Variants in OR2Z1 observed in about 807,000 individuals in gnomAD.
The protein encoded by OR2Z1 is olfactory receptor 2Z1.
For missense variants in OR2Z1, 449 were observed against 401.8 expected (o/e 1.12, Z -1.00); for synonymous variants, 188 against 160.6 (o/e 1.17, Z -1.29).
intron 2 of OR2Z1, among the ~76,000 whole-genome samples, chr19:8,726,093 G>A (rs1423890669): frequency 6.6e-6 from 1 of 152,156 alleles, no homozygotes; most frequent in East Asian, 1.9e-4. Context: ...AGCCTCCCGA[G>A]TAGCTGGGAT....
Position 8,731,147 on chromosome 19 carries a change from T to C in OR2Z1, c.119T>C (p.Leu40Pro). ...LVAVMFVIGL[L>P]GNTVLLFLIR... Reference sequence around the variant, plus strand: ...GCTGTCATGTTTGTCATAGGCCTTCTGGGCAACACCGTTCTTCTCTTCTTG... The same window carrying C: ...GCTGTCATGTTTGTCATAGGCCTTCCGGGCAACACCGTTCTTCTCTTCTTG... The change falls in exon 3 of 3, where the codon CTG becomes CCG. Residue 40 changes from leucine to proline, a missense_variant. By Grantham distance (98) the Leu-to-Pro change is moderately conservative. Transcript: ENST00000641125. 1 of 1,614,154 alleles carries C rather than the reference T, an allele frequency of 6.2e-7. No homozygotes were observed.
rs1555756751 is a variant in OR2Z1, at chr19:8,731,425, C to G, written c.397C>G (p.Pro133Ala). ...TGCTGTGTGCCAGCCCCTGCAGTAT[C>G]CTGTACTTATGAGACGCCAGGTATG... The part of the protein sequence containing the change: ...YVAVCQPLQY[P>A]VLMRRQVCLL... Residue 133 changes from proline to alanine, a missense_variant, in exon 3 of 3, where the codon CCT (proline) becomes GCT (alanine). Pro to Ala is a conservative substitution (Grantham distance 27). Transcript: ENST00000641125. The G allele has an allele frequency of 6.8e-6, 11 of 1,613,918 alleles. No individual in the cohort carries two copies. The highest frequency in any genetic ancestry group is 9.3e-6 in the Non-Finnish European group (11 of 1,180,030).
Position 8,731,858 on chromosome 19 carries a change from T to G in OR2Z1, c.830T>G (p.Phe277Cys), listed in dbSNP as rs371805698. ...SPQQDNVVSL[F>C]YSLVTPTLNP... ...CAGCAGGATAACGTGGTTTCCCTCT[T>G]CTATAGCCTTGTCACCCCTACACTC... The change falls in exon 3 of 3, where the codon TTC (phenylalanine) becomes TGC (cysteine). Residue 277 changes from phenylalanine to cysteine, a missense_variant. Phe to Cys is a radical substitution (Grantham distance 205, BLOSUM62 -2). Transcript: ENST00000641125. 4.3e-5 allele frequency: 70 copies of G among 1,614,026 alleles called. No individual in the cohort carries two copies. Among genetic ancestry groups the G allele is most frequent in the Non-Finnish European group, 5.7e-5 (67 of 1,180,044 alleles).
intron 2 of OR2Z1, among the ~76,000 whole-genome samples, chr19:8,724,621 C>T (rs1555755987): frequency 6.6e-6 from 1 of 152,190 alleles, no homozygotes; most frequent in Non-Finnish European, 1.5e-5. Flanking sequence ...ATCCTCACTT[C>T]TCTTCCCAAA....
chr19:8,723,343 AT>A (rs1378466420), intron 2 of OR2Z1, among the ~76,000 whole-genome samples, 193 bp downstream of exon 2: 2 of 151,668 alleles, frequency 1.3e-5, no homozygotes, highest in African/African-American at 4.8e-5. Flanking sequence ...CAAAACTTCC[AT>A]GCCTCCTTCT....
Position 8,731,600 on chromosome 19 carries a change from A to G in OR2Z1, c.572A>G (p.Asp191Gly). The change falls in exon 3 of 3, where the codon GAT (aspartate) becomes GGT (glycine). Residue 191 changes from aspartate (D) to glycine (G), a missense_variant. Asp to Gly is a moderately conservative substitution (Grantham distance 94). Coordinates refer to ENST00000641125, the MANE Select transcript of OR2Z1 (RefSeq NM_001004699.3). ...VPALLKLSCADTCAYEMALST... is the reference protein window; with the variant it reads ...VPALLKLSCAGTCAYEMALST... ...GCCCTACTGAAGCTCTCCTGTGCAG[A>G]TACCTGTGCCTACGAGATGGCGCTG... is the stretch of plus-strand genomic sequence containing the variant. 1 of 1,613,110 alleles carries G rather than the reference A, an allele frequency of 6.2e-7. No individual in the cohort carries two copies. The highest frequency in any genetic ancestry group is 8.5e-7 in the Non-Finnish European group (1 of 1,179,982).
chr19:8,723,981 TGTG>T (rs2043317022), intron 2 of OR2Z1, among the ~76,000 whole-genome samples: 4 of 139,874 alleles, frequency 2.9e-5, no homozygotes, highest in Non-Finnish European at 6.0e-5. Context: ...TGTGTGTGTG[TGTG>T]TGTGTGTGTG....
At chr19:8,729,800 G>A (rs1341773322) in intron 2 of OR2Z1, among the ~76,000 whole-genome samples, 17 of 152,108 alleles carry the variant, frequency 1.1e-4, no homozygotes, top group Admixed American at 1.1e-3. Flanking sequence ...ATGTTGGTCA[G>A]GCTGGTCTCG....
chr19:8,731,343 A>G lies in OR2Z1; in HGVS notation c.315A>G (p.Thr105=), dbSNP rs1393577672. ...GGGAAQIFFL[T]LMGVAEGVLL... Reference sequence around the variant, plus strand: ...GTGCAGCTCAAATATTCTTCCTCACACTGATGGGTGTGGCTGAGGGCGTCC... The same window carrying G: ...GTGCAGCTCAAATATTCTTCCTCACGCTGATGGGTGTGGCTGAGGGCGTCC... Residue 105 remains threonine, a synonymous_variant, in exon 3 of 3, where the codon ACA becomes ACG. Coordinates refer to ENST00000641125, the MANE Select transcript of OR2Z1 (RefSeq NM_001004699.3). 6 of 1,613,656 alleles carry G rather than the reference A, an allele frequency of 3.7e-6. No individual in the cohort carries two copies. The highest frequency in any genetic ancestry group is 1.3e-5 in the African/African-American group (1 of 74,794).
chr19:8,722,480 C>G (rs988048033), intron 1 of OR2Z1, among the ~76,000 whole-genome samples: 3 of 152,102 alleles, frequency 2.0e-5, no homozygotes, highest in African/African-American at 7.2e-5. Context: ...TCTAGACCCA[C>G]ATTTTGGCAT....
intron 2 of OR2Z1, among the ~76,000 whole-genome samples, chr19:8,723,847 A>G (rs2043316277): frequency 6.6e-6 from 1 of 152,050 alleles, no homozygotes; most frequent in African/African-American, 2.4e-5. Flanking sequence ...CAGTCCTAGA[A>G]CAGTTCTAGG....
At position 8,732,071 on chromosome 19, in the gene OR2Z1, C is replaced by T. The variant is rs544476251; in HGVS notation, c.*98C>T. ...TTCAATTGCCAATTTGTGCAACTGG[C>T]CAAATATCCAGCCATTGCCCAAGGT... is the stretch of plus-strand genomic sequence containing the variant. On this transcript the variant is annotated 3_prime_UTR_variant, in exon 3 of 3. Coordinates refer to ENST00000641125, the MANE Select transcript of OR2Z1 (RefSeq NM_001004699.3). 7 of 925,980 alleles carry T rather than the reference C, an allele frequency of 7.6e-6. No homozygotes were observed. Among genetic ancestry groups the T allele is most frequent in the South Asian group, 4.9e-5 (3 of 60,676 alleles). 57.4% of individuals were successfully genotyped at this position (925,980 alleles called of 1,614,324 possible).
chr19:8,727,308 G>A (rs1325124707), intron 2 of OR2Z1, among the ~76,000 whole-genome samples: 3 of 152,122 alleles, frequency 2.0e-5, no homozygotes, highest in African/African-American at 7.2e-5. Context: ...TTGTCTGAGA[G>A]ACACTCTTCC....
chr19:8,730,399 T>G (rs2043346764), intron 2 of OR2Z1, among the ~76,000 whole-genome samples: 1 of 152,162 alleles, frequency 6.6e-6, no homozygotes, highest in South Asian at 2.1e-4. Context: ...TTCCACCATC[T>G]ATGTGGCTGT....
intron 2 of OR2Z1, among the ~76,000 whole-genome samples, chr19:8,724,184 C>T (rs782814586): frequency 2.3e-4 from 35 of 152,036 alleles, no homozygotes; most frequent in Admixed American, 3.9e-4. Flanking sequence ...CTTCTCAGAT[C>T]TCTGTCTTCT....
chr19:8,727,819 A>G (rs1309953231), intron 2 of OR2Z1, among the ~76,000 whole-genome samples: 1 of 152,234 alleles, frequency 6.6e-6, no homozygotes, highest in Non-Finnish European at 1.5e-5. Context: ...GTGAGCCAGG[A>G]TCACGCCACT....
chr19:8,729,517 C>T (rs1477945051), intron 2 of OR2Z1, among the ~76,000 whole-genome samples: 1 of 151,002 alleles, frequency 6.6e-6, no homozygotes, highest in East Asian at 1.9e-4. Context: ...CTCAAGTGAT[C>T]CTCCTGCCGT....
In OR2Z1 at chr19:8,730,859, GC is replaced by G; in HGVS notation, c.-168del. 1 of 612,952 alleles carries G rather than the reference GC, an allele frequency of 1.6e-6. No homozygotes were observed. The highest frequency in any genetic ancestry group is 2.0e-5 in the South Asian group (1 of 50,146). The allele number at this position is 612,952 out of a possible 1,614,324, so 38.0% of individuals were successfully genotyped here. On this transcript the variant is annotated splice_region_variant and 5_prime_UTR_variant, in exon 3 of 3. Coordinates refer to ENST00000641125, the MANE Select transcript of OR2Z1 (RefSeq NM_001004699.3). ...TAACTGATTAAGTTTTCTCCCTCCA[GC>G]CTACTGATTCTAGCTGCAGCCTCAT...
chr19:8,727,414 A>G (rs2043331795), intron 2 of OR2Z1, among the ~76,000 whole-genome samples: 1 of 152,196 alleles, frequency 6.6e-6, no homozygotes, highest in African/African-American at 2.4e-5. Flanking sequence ...TGTTTTATTC[A>G]TAACTCACTC....
Sources: allele counts gnomAD v4.1 joint callset (sites outside exome capture counted in the v4.1 genomes callset), GRCh38; gene constraint gnomAD v4.1.1; transcripts MANE v1.5; gene names NCBI Gene and HGNC (gene_info 2026-07-23, HGNC 2026-07-21).